The following ERBIN variants were observed in gnomAD, a reference collection of about 807,000 sequenced individuals.
ERBIN encodes erbb2 interacting protein.
A neutral mutation model predicts 158.4 loss-of-function variants in ERBIN; 60 were observed. That is an observed-to-expected ratio of 0.38 (90% CI 0.31 to 0.47). The LOEUF (loss-of-function observed/expected upper bound fraction) is 0.47. Ranked by LOEUF, ERBIN falls within the 20% of genes least tolerant of loss-of-function variation. The probability of loss-of-function intolerance (pLI) is 0.99; values close to 1 mark genes in which losing one functional copy is unlikely to be tolerated. For missense variants in ERBIN, 1,610 were observed against 1,648.0 expected (o/e 0.98, Z 0.40); for synonymous variants, 594 against 557.2 (o/e 1.07, Z -0.93).
chr5:66,065,799 G>A (rs1653836177), intron 21 of ERBIN, among the ~76,000 whole-genome samples: 1 of 152,036 alleles, frequency 6.6e-6, no homozygotes, highest in African/African-American at 2.4e-5. Context: ...TTTAAAAGCT[G>A]GTCTGAAGAA....
At chr5:66,045,929 C>T (rs1017061334) in intron 17 of ERBIN, among the ~76,000 whole-genome samples, 4 of 152,200 alleles carry the variant, frequency 2.6e-5, no homozygotes, top group African/African-American at 9.6e-5. Flanking sequence ...CCTAAATCGT[C>T]TGTATATTCC....
chr5:66,075,608 G>C (rs1455151502), intron 23 of ERBIN, among the ~76,000 whole-genome samples: 1 of 152,086 alleles, frequency 6.6e-6, no homozygotes, highest in Non-Finnish European at 1.5e-5. Context: ...AAACTACTTT[G>C]AGTATTTAAT....
intron 1 of ERBIN, among the ~76,000 whole-genome samples, chr5:65,930,913 T>C (rs1221181324): frequency 6.6e-6 from 1 of 152,264 alleles, no homozygotes; most frequent in African/African-American, 2.4e-5. Context: ...AATAGTACTC[T>C]ATCACTCTAT....
intron 21 of ERBIN, among the ~76,000 whole-genome samples, chr5:66,067,801 C>T (rs1421285970): frequency 6.6e-6 from 1 of 152,064 alleles, no homozygotes; most frequent in Non-Finnish European, 1.5e-5. Flanking sequence ...GGTGGTGAGA[C>T]CCTGTCTACA....
intron 23 of ERBIN, 59 bp downstream of exon 23, chr5:66,075,289 GTTAC>G (rs1761884765): frequency 3.0e-6 from 4 of 1,348,230 alleles, no homozygotes; most frequent in South Asian, 1.2e-5. Context: ...ATTTTTATAG[GTTAC>G]TTAATTATTA....
chr5:66,011,239 G>A (rs1390383992), intron 4 of ERBIN, among the ~76,000 whole-genome samples: 1 of 152,186 alleles, frequency 6.6e-6, no homozygotes, highest in Non-Finnish European at 1.5e-5. Flanking sequence ...GCAGGAAAGA[G>A]AAAATGTTTC....
chr5:66,062,869 G>A (rs924819797), intron 21 of ERBIN, among the ~76,000 whole-genome samples: 2 of 152,192 alleles, frequency 1.3e-5, no homozygotes, highest in Non-Finnish European at 2.9e-5. Flanking sequence ...TTGGTGAACC[G>A]CAAATGCTGC....
intron 1 of ERBIN, among the ~76,000 whole-genome samples, chr5:65,943,942 T>C (rs904587991): frequency 2.0e-5 from 3 of 152,212 alleles, no homozygotes; most frequent in Non-Finnish European, 4.4e-5. Flanking sequence ...TAGCATATTG[T>C]CCTCAAGGTT....
chr5:66,048,628 A>G, intron 18 of ERBIN, 39 bp from the exon 19 acceptor site: 2 of 1,224,812 alleles, frequency 1.6e-6, no homozygotes, highest in Non-Finnish European at 2.3e-6. Flanking sequence ...TAAAGAAACA[A>G]AAATTTAATT....
At position 66,078,970 on chromosome 5, in the gene ERBIN, T is replaced by C. The variant is rs1223729792; in HGVS notation, c.*440T>C. 1 of 161,310 alleles carries C rather than the reference T, an allele frequency of 6.2e-6. No homozygotes were observed. The highest frequency in any genetic ancestry group is 1.9e-4 in the East Asian group (1 of 5,310). 10.0% of individuals were successfully genotyped at this position (161,310 alleles called of 1,614,324 possible). On this transcript the variant is annotated 3_prime_UTR_variant, in exon 26 of 26. Coordinates refer to ENST00000284037, the MANE Select transcript of ERBIN (RefSeq NM_001253697.2). The stretch of plus-strand genomic sequence containing the variant: ...ATTAATGTTTTTCTCCTGAAACTAC[T>C]TTTTTTGATGTGGGCAAGAGATTTG...
intron 17 of ERBIN, among the ~76,000 whole-genome samples, chr5:66,044,904 T>C (rs909255996): frequency 1.2e-4 from 18 of 151,690 alleles, no homozygotes; most frequent in African/African-American, 4.4e-4. Flanking sequence ...GGTGAGACTG[T>C]TTATACAGAA....
At chr5:66,058,639 G>C (rs1759899427) in intron 21 of ERBIN, among the ~76,000 whole-genome samples, 1 of 145,770 alleles carries the variant, frequency 6.9e-6, no homozygotes, top group African/African-American at 2.5e-5. Flanking sequence ...GTATTGCCTA[G>C]GTTTTCTTCT....
At chr5:66,051,876 C>CA (rs764064051) in intron 20 of ERBIN, among the ~76,000 whole-genome samples, 7 of 136,320 alleles carry the variant, frequency 5.1e-5, no homozygotes, top group Non-Finnish European at 9.3e-5. Context: ...GCCTGGGTGA[C>CA]AGAGCTAGGC....
intron 7 of ERBIN, 47 bp downstream of exon 7, chr5:66,014,772 A>T: frequency 9.5e-6 from 9 of 943,226 alleles, no homozygotes; most frequent in Non-Finnish European, 1.4e-5. Flanking sequence ...ATAATTTTTA[A>T]TGATTAAGTC....
chr5:65,979,615 G>A (rs1750426295), intron 1 of ERBIN, among the ~76,000 whole-genome samples: 1 of 152,120 alleles, frequency 6.6e-6, no homozygotes, highest in Non-Finnish European at 1.5e-5. Flanking sequence ...ATAATATATG[G>A]GGGATTGGGT....
chr5:65,993,732 CTA>C (rs970820107), intron 3 of ERBIN, among the ~76,000 whole-genome samples: 2 of 151,936 alleles, frequency 1.3e-5, no homozygotes, highest in African/African-American at 4.8e-5. Context: ...GGAAAAAAAA[CTA>C]TAAATTTGGA....
intron 14 of ERBIN, among the ~76,000 whole-genome samples, chr5:66,030,204 A>G (rs138074293): frequency 0.011 from 1,711 of 149,726 alleles, 27 homozygotes; most frequent in African/African-American, 0.039. Flanking sequence ...ACGCCCGGCT[A>G]ATTTTTGTAT....
intron 21 of ERBIN, among the ~76,000 whole-genome samples, chr5:66,064,021 A>G (rs1048419302): frequency 1.3e-5 from 2 of 152,210 alleles, no homozygotes; most frequent in African/African-American, 4.8e-5. Flanking sequence ...GGTTCAAAAG[A>G]TGAAATGTTA....
intron 14 of ERBIN, 59 bp downstream of exon 14, chr5:66,028,402 C>T (rs988291371): frequency 6.0e-6 from 8 of 1,343,118 alleles, no homozygotes; most frequent in Middle Eastern, 1.8e-4. Flanking sequence ...TAGTTTTGCA[C>T]TCCGATTTAC....
Sources: gnomAD v4.1 joint callset for allele counts (sites outside exome capture counted in the v4.1 genomes callset) on GRCh38, gnomAD v4.1.1 for gene constraint, MANE v1.5 for transcripts, NCBI Gene and HGNC (gene_info 2026-07-23, HGNC 2026-07-21) for gene names.